EPHB1: variants seen among roughly 807,000 people sequenced by gnomAD.
The protein encoded by EPHB1 is EPH receptor B1, also known as ephrin type-B receptor 1.
In EPHB1, 30 loss-of-function variants were observed where a neutral mutation model predicts 94.4. The observed-to-expected ratio is 0.32, with a 90% CI of 0.24 to 0.43. The LOEUF (loss-of-function observed/expected upper bound fraction) is 0.43, where lower values mean the gene tolerates loss of function less well. Among genes scored for constraint, EPHB1 ranks in the 20% least tolerant of loss-of-function variants. EPHB1 has a pLI of 1.00. For missense variants in EPHB1, 1,055 were observed against 1,308.3 expected, an observed-to-expected ratio of 0.81 and a Z score of 2.99; for synonymous variants, 522 against 489.1, an observed-to-expected ratio of 1.07 and a Z score of -0.89.
At chr3:134,967,328 G>A (rs918195641) in intron 3 of EPHB1, among the ~76,000 whole-genome samples, 4 of 152,184 alleles carry the variant, frequency 2.6e-5, no homozygotes, top group African/African-American at 9.7e-5. Flanking sequence ...AACCTGGGAA[G>A]ACACATGCTA....
chr3:135,179,729 A>C, intron 9 of EPHB1, 131 bp from the exon 10 acceptor site: 5 of 1,006,728 alleles, frequency 5.0e-6, no homozygotes, highest in African/African-American at 1.6e-5. Flanking sequence ...GAGGAGAGGC[A>C]GAGAAAAGTT....
chr3:135,206,337 G>C (rs1331324661), intron 12 of EPHB1, among the ~76,000 whole-genome samples: 1 of 152,068 alleles, frequency 6.6e-6, no homozygotes. Flanking sequence ...TTGTTCAGGT[G>C]AACAATTATG....
At chr3:135,075,650 C>T (rs1043645926) in intron 3 of EPHB1, among the ~76,000 whole-genome samples, 1 of 152,158 alleles carries the variant, frequency 6.6e-6, no homozygotes, top group African/African-American at 2.4e-5. Flanking sequence ...ATGGCATCAT[C>T]CACAGCTCTT....
intron 3 of EPHB1, among the ~76,000 whole-genome samples, chr3:134,958,625 G>A (rs1477563658): frequency 6.6e-6 from 1 of 152,158 alleles, no homozygotes; most frequent in African/African-American, 2.4e-5. Flanking sequence ...TAACACCGCA[G>A]CCCTGTAACA....
chr3:135,129,612 C>G (rs950239343), intron 4 of EPHB1, among the ~76,000 whole-genome samples: 9 of 152,114 alleles, frequency 5.9e-5, no homozygotes, highest in African/African-American at 2.2e-4. Flanking sequence ...GACAACTGCC[C>G]CTGTCTACCA....
At chr3:134,925,566 G>T (rs1218109071) in intron 1 of EPHB1, among the ~76,000 whole-genome samples, 3 of 152,182 alleles carry the variant, frequency 2.0e-5, no homozygotes, top group Non-Finnish European at 4.4e-5. Context: ...TCACCGGGGA[G>T]AGAGCACTGG....
At chr3:135,250,581 G>C (rs759167913) in intron 15 of EPHB1, among the ~76,000 whole-genome samples, 1 of 152,108 alleles carries the variant, frequency 6.6e-6, no homozygotes, top group African/African-American at 2.4e-5. Context: ...AAGCTCCTCA[G>C]GTGATTCTAA....
intron 3 of EPHB1, among the ~76,000 whole-genome samples, chr3:135,080,124 G>T (rs201932964): frequency 3.3e-5 from 5 of 152,170 alleles, no homozygotes; most frequent in Non-Finnish European, 7.3e-5. Context: ...CCTGGCCTGC[G>T]CACTTCTCCC....
rs889465852 is a variant in EPHB1 at position 134,795,509 on chromosome 3, G to C, written c.-123G>C. ...CGCAGCGCTCCGGGAAGTCCGGTCC[G>C]GGCGAGAGCGCGAAAGGATACCGAG... On this transcript the variant is annotated 5_prime_UTR_variant, in exon 1 of 16. Transcript: ENST00000398015. 1.5e-5 allele frequency: 14 copies of C among 940,268 alleles called. No individual in the cohort carries two copies. The African/African-American group carries it at 2.1e-4, about 14-fold the overall frequency. 58.2% of individuals were successfully genotyped at this position (940,268 alleles called of 1,614,324 possible).
chr3:135,044,099 A>G (rs1388887980), intron 3 of EPHB1, among the ~76,000 whole-genome samples: 2 of 152,212 alleles, frequency 1.3e-5, no homozygotes, highest in African/African-American at 2.4e-5. Flanking sequence ...CTCACTTACA[A>G]ATCACTAACT....
chr3:135,191,673 A>G (rs1942460722), intron 10 of EPHB1, among the ~76,000 whole-genome samples: 1 of 151,660 alleles, frequency 6.6e-6, no homozygotes, highest in Non-Finnish European at 1.5e-5. Context: ...AAATAATGTC[A>G]CCATAATTGT....
chr3:134,995,897 A>G (rs6789030), intron 3 of EPHB1, among the ~76,000 whole-genome samples: 329 of 152,328 alleles, frequency 2.2e-3, no homozygotes, highest in African/African-American at 7.2e-3. Context: ...ATCTCCTATA[A>G]TACTGCTATG....
chr3:134,979,196 C>T (rs921512070), intron 3 of EPHB1, among the ~76,000 whole-genome samples: 1 of 151,978 alleles, frequency 6.6e-6, no homozygotes, highest in Non-Finnish European at 1.5e-5. Context: ...TGTATTTGAA[C>T]TATTTTTAAC....
chr3:134,916,341 C>T (rs139564318), intron 1 of EPHB1, among the ~76,000 whole-genome samples: 75 of 152,318 alleles, frequency 4.9e-4, no homozygotes, highest in East Asian at 4.8e-3. Context: ...CTGCCAGTCC[C>T]GCGCTGTGTG....
At chr3:134,880,233 G>A (rs1423776075) in intron 1 of EPHB1, among the ~76,000 whole-genome samples, 1 of 152,242 alleles carries the variant, frequency 6.6e-6, no homozygotes, top group East Asian at 1.9e-4. Context: ...ACTGGAAAGT[G>A]TGAGGATGTA....
In EPHB1 at chr3:134,854,591, C is replaced by T. The variant is rs370605656; in HGVS notation, c.58+58902C>T. 7.1e-4 allele frequency among the ~76,000 whole-genome samples: 108 copies of T among 152,192 alleles called. No homozygotes were observed. In the Middle Eastern group the frequency reaches 0.014, roughly 19 times the overall value. On this transcript the variant is annotated intron_variant, in intron 1 of 15. Coordinates refer to ENST00000398015, the MANE Select transcript of EPHB1 (RefSeq NM_004441.5). ...CCTCTCCATGGGGCCCCATGGGAAG[C>T]GTTTGCCTCATGCTTCCATAGCAGG...
intron 1 of EPHB1, among the ~76,000 whole-genome samples, chr3:134,843,618 A>G (rs922846953): frequency 6.6e-6 from 1 of 151,974 alleles, no homozygotes; most frequent in African/African-American, 2.4e-5. Flanking sequence ...CCATTGATCT[A>G]TCTTCAAATT....
At chr3:135,160,625 T>G (rs1400499483) in intron 6 of EPHB1, among the ~76,000 whole-genome samples, 1 of 152,222 alleles carries the variant, frequency 6.6e-6, no homozygotes, top group Non-Finnish European at 1.5e-5. Context: ...GGCCCAGGCT[T>G]CAAGCTTCTG....
At chr3:135,133,487 C>T (rs1940500795) in intron 5 of EPHB1, among the ~76,000 whole-genome samples, 1 of 152,166 alleles carries the variant, frequency 6.6e-6, no homozygotes, top group Non-Finnish European at 1.5e-5. Context: ...TGAGTGGAGG[C>T]ACTGAAAGAC....
Sources: allele counts gnomAD v4.1 joint callset (sites outside exome capture counted in the v4.1 genomes callset), GRCh38; gene constraint gnomAD v4.1.1; transcripts MANE v1.5; gene names NCBI Gene and HGNC (gene_info 2026-07-23, HGNC 2026-07-21).